AHCTF1: variants seen among roughly 807,000 people sequenced by gnomAD.
AHCTF1 encodes the protein protein ELYS.
Under a neutral mutation model 248.4 loss-of-function variants are expected in AHCTF1, and 24 were observed. The ratio of observed to expected loss-of-function variants is 0.10; its 90% CI spans 0.07 to 0.14. The LOEUF (loss-of-function observed/expected upper bound fraction) is 0.14, where lower values mean the gene tolerates loss of function less well. AHCTF1 is among the 10% of genes least tolerant of loss of function. The pLI, the probability that AHCTF1 is intolerant of heterozygous loss-of-function variation, is 1.00. For missense variants in AHCTF1, 2,206 were observed against 2,636.2 expected (o/e 0.84, Z 3.57); for synonymous variants, 786 against 929.8 (o/e 0.85, Z 2.81).
intron 24 of AHCTF1, among the ~76,000 whole-genome samples, chr1:246,870,717 A>T (rs183686187): frequency 1.1e-3 from 127 of 117,626 alleles, no homozygotes; most frequent in African/African-American, 5.3e-3. Context: ...AGAGGGTATA[A>T]AACCTCAAAA....
At chr1:246,867,597 A>C in intron 25 of AHCTF1, 64 bp downstream of exon 25, 1 of 1,560,692 alleles carries the variant, frequency 6.4e-7, no homozygotes, top group South Asian at 1.2e-5. Context: ...TTGTTGATGA[A>C]CGCTGTTGAT....
intron 24 of AHCTF1, among the ~76,000 whole-genome samples, chr1:246,868,660 C>T (rs902652921): frequency 6.7e-6 from 1 of 150,164 alleles, no homozygotes; most frequent in Non-Finnish European, 1.5e-5. Context: ...AGAAGTTGGA[C>T]ATGTGCCTTC....
rs1020114847 is a variant in AHCTF1, at chr1:246,842,594, T to C, written c.6608+100A>G. ...GAGACTCTGTCTCAAAAAAAATAAA[T>C]AAAAATAAAATAAAATAATAAAAGG... is the stretch of plus-strand genomic sequence containing the variant. On this transcript the variant is annotated intron_variant, in intron 35 of 35. Coordinates refer to ENST00000648844, the MANE Select transcript of AHCTF1 (RefSeq NM_001323342.2). 54 of 932,372 alleles carry C rather than the reference T, an allele frequency of 5.8e-5. 1 individual carries two copies. The highest frequency in any genetic ancestry group is 7.4e-5 in the Non-Finnish European group (51 of 687,036). 57.8% of individuals were successfully genotyped at this position (932,372 alleles called of 1,614,324 possible).
At position 246,864,018 on chromosome 1, in the gene AHCTF1, C is replaced by T. The variant is rs774142521; in HGVS notation, c.3446G>A (p.Arg1149His). 1.2e-5 allele frequency: 20 copies of T among 1,613,988 alleles called. No individual in the cohort carries two copies. The highest frequency in any genetic ancestry group is 4.5e-5 in the East Asian group (2 of 44,872). Residue 1149 changes from arginine (R) to histidine (H), a missense_variant, in exon 27 of 36, where the codon CGT becomes CAT. Transcript: ENST00000648844. ...SMKSPLYLVS[R>H]SLPSSSQLKG... ...TAATTGCGAACTTGAGGGCAGTGAA[C>T]GGGATACTAGGTACAAAGGAGATTT...
At chr1:246,910,500 G>C (rs1172245567) in intron 4 of AHCTF1, among the ~76,000 whole-genome samples, 1 of 152,196 alleles carries the variant, frequency 6.6e-6, no homozygotes, top group Non-Finnish European at 1.5e-5. Context: ...AAGAGGGAAA[G>C]GAGGAAAGGG....
intron 7 of AHCTF1, among the ~76,000 whole-genome samples, chr1:246,903,111 A>G (rs72766524): frequency 0.033 from 4,990 of 152,312 alleles, 116 homozygotes; most frequent in Middle Eastern, 0.051. Flanking sequence ...AATGCAACAC[A>G]TAATTCAGGG....
intron 5 of AHCTF1, among the ~76,000 whole-genome samples, chr1:246,907,022 T>C (rs1665440710): frequency 1.3e-5 from 2 of 152,160 alleles, no homozygotes; most frequent in Non-Finnish European, 2.9e-5. Context: ...AGGGATTCAG[T>C]CATTGTGCAA....
intron 24 of AHCTF1, among the ~76,000 whole-genome samples, chr1:246,868,962 A>G (rs1159577227): frequency 6.7e-6 from 1 of 150,104 alleles, no homozygotes; most frequent in Non-Finnish European, 1.5e-5. Context: ...CTCCTGCCTC[A>G]GCCTGCTGAG....
chr1:246,867,906 C>CG (rs1662122186), intron 24 of AHCTF1, 95 bp from the exon 25 acceptor site: 2 of 328,126 alleles, frequency 6.1e-6, no homozygotes, highest in African/African-American at 1.2e-4. Context: ...CCCCCCCACA[C>CG]ACACACACAC....
In AHCTF1 at chr1:246,842,659, A is replaced by C. The variant is rs746345149; in HGVS notation, c.6608+35T>G. On this transcript the variant is annotated intron_variant, in intron 35 of 35. Transcript: ENST00000648844. The stretch of plus-strand genomic sequence containing the variant: ...GGGACAGAGCGAGACTGTCTCAATC[A>C]ATCAATCAATCAAGAACAGAACAGA... 4.8e-5 allele frequency: 75 copies of C among 1,569,332 alleles called. 2 individuals are homozygous for C. The highest frequency in any genetic ancestry group is 4.2e-4 in the Middle Eastern group (2 of 4,732).
intron 1 of AHCTF1, among the ~76,000 whole-genome samples, chr1:246,921,244 A>G (rs929160727): frequency 5.9e-5 from 9 of 152,200 alleles, no homozygotes; most frequent in African/African-American, 2.2e-4. Flanking sequence ...GAAAAAATAA[A>G]CACAGAATGC....
chr1:246,858,157 C>T (rs1043839428), intron 29 of AHCTF1, among the ~76,000 whole-genome samples: 11 of 151,902 alleles, frequency 7.2e-5, no homozygotes, highest in Non-Finnish European at 1.2e-4. Flanking sequence ...GACGGGGTTT[C>T]ACTGTTTTAG....
In AHCTF1 at chr1:246,840,813, A is replaced by C; in HGVS notation, c.6794T>G (p.Met2265Arg). 6.3e-7 allele frequency: 1 copy of C among 1,598,290 alleles called. No individual in the cohort carries two copies. The highest frequency in any genetic ancestry group is 8.5e-7 in the Non-Finnish European group (1 of 1,174,360). ...TAAAATCTTCCCAAGAAATTACAGC[A>C]TTTTTCTGCGTAAAATTTGCTTTGG... ...SYPKQILRRK[M>R]L Residue 2265 changes from methionine (M) to arginine (R), a missense_variant, in exon 36 of 36, where the codon ATG becomes AGG. Physicochemically the swap from Met to Arg is moderately conservative, Grantham distance 91. Transcript: ENST00000648844.
rs1659967512 is a variant in AHCTF1 at position 246,842,705 on chromosome 1, TTTTG to T, written c.6593_6596del (p.Thr2198AsnfsTer18). 6.2e-7 allele frequency: 1 copy of T among 1,613,316 alleles called. No homozygotes were observed. The highest frequency in any genetic ancestry group is 1.3e-5 in the African/African-American group (1 of 74,922). ...ACAGAAAGTCATACTTGCTTGCTTG[TTTTG>T]TTTTTGACGTCCTGATTCGTTTCGC... On this transcript the variant is annotated frameshift_variant, in exon 35 of 36. Coordinates refer to ENST00000648844, the MANE Select transcript of AHCTF1 (RefSeq NM_001323342.2). LOFTEE classifies it low-confidence loss of function (END_TRUNC).
intron 13 of AHCTF1, 80 bp from the exon 14 acceptor site, chr1:246,894,828 G>A (rs1363099695): frequency 8.2e-7 from 1 of 1,214,756 alleles, no homozygotes; most frequent in South Asian, 1.3e-5. Context: ...GAGAAGCATG[G>A]CAGACAGCAC....
chr1:246,870,610 A>G, intron 24 of AHCTF1, among the ~76,000 whole-genome samples: 1 of 152,230 alleles, frequency 6.6e-6, no homozygotes, highest in East Asian at 1.9e-4. Flanking sequence ...TTTTACATTT[A>G]AAAGAGAAAA....
At position 246,840,603 on chromosome 1, in the gene AHCTF1, T is replaced by C; in HGVS notation, c.*203A>G. On this transcript the variant is annotated 3_prime_UTR_variant, in exon 36 of 36. Transcript: ENST00000648844. Reference sequence around the variant, plus strand: ...AGCCATATTTACATATATAAATGTATGAAGTCTTAATATAAAATAGAAAAA... The same window carrying C: ...AGCCATATTTACATATATAAATGTACGAAGTCTTAATATAAAATAGAAAAA... 1 of 324,200 alleles carries C rather than the reference T, an allele frequency of 3.1e-6. No homozygotes were observed. Among genetic ancestry groups the C allele is most frequent in the Non-Finnish European group, 5.5e-6 (1 of 181,332 alleles). 20.1% of individuals were successfully genotyped at this position (324,200 alleles called of 1,614,324 possible). A position where few individuals can be genotyped will look rare whatever the true frequency, so the allele number is the denominator to read the frequency against.
intron 35 of AHCTF1, among the ~76,000 whole-genome samples, chr1:246,841,462 G>T (rs980403030): frequency 1.3e-5 from 2 of 152,214 alleles, no homozygotes; most frequent in Middle Eastern, 3.4e-3. Context: ...TGTAAACAGT[G>T]GTATTAGCCA....
intron 1 of AHCTF1, among the ~76,000 whole-genome samples, chr1:246,918,646 C>T (rs1351965132): frequency 1.3e-5 from 2 of 152,198 alleles, no homozygotes; most frequent in South Asian, 2.1e-4. Flanking sequence ...CCAGCATGGG[C>T]GACAGAGCAA....
Sources: gnomAD v4.1 joint callset for allele counts (sites outside exome capture counted in the v4.1 genomes callset) on GRCh38, gnomAD v4.1.1 for gene constraint, MANE v1.5 for transcripts, NCBI Gene and HGNC (gene_info 2026-07-23, HGNC 2026-07-21) for gene names.